Variants in FANCA observed in about 807,000 individuals in gnomAD.
FANCA encodes FA complementation group A.
In FANCA, 236 loss-of-function variants were observed where a neutral mutation model predicts 194.3. The ratio of observed to expected loss-of-function variants is 1.21; its 90% CI spans 1.09 to 1.35. The LOEUF (loss-of-function observed/expected upper bound fraction) is 1.35. Ranked by LOEUF, FANCA falls within the 40% of genes most tolerant of loss-of-function variation. The pLI, the probability that FANCA is intolerant of heterozygous loss-of-function variation, is 0.00. For synonymous variants in FANCA, 1,014 were observed against 715.8 expected (o/e 1.42, Z -6.65); for missense variants, 2,628 against 1,813.9 (o/e 1.45, Z -8.15).
At chr16:89,788,785 C>T (rs2039977067) in intron 14 of FANCA, among the ~76,000 whole-genome samples, 1 of 152,156 alleles carries the variant, frequency 6.6e-6, no homozygotes, top group Non-Finnish European at 1.5e-5. Flanking sequence ...GGGCAACACT[C>T]AGTCTCTTAA....
At chr16:89,743,309 G>A (rs2062178097) in intron 36 of FANCA, among the ~76,000 whole-genome samples, 1 of 152,236 alleles carries the variant, frequency 6.6e-6, no homozygotes, top group Non-Finnish European at 1.5e-5. Flanking sequence ...TCCTACAACA[G>A]AGAACAAAGG....
In FANCA at chr16:89,779,970, C is replaced by A. The variant is rs372205127; in HGVS notation, c.1627-13G>T. The A allele has an allele frequency of 1.9e-6, 3 of 1,612,578 alleles. No homozygotes were observed. In the East Asian group the frequency reaches 6.7e-5, roughly 36 times the overall value. On this transcript the variant is annotated splice_polypyrimidine_tract_variant and intron_variant, in intron 17 of 42. Transcript: ENST00000389301. ...CTTGGCTGTGGGGCTGGTTCCCATACAGGGAGGAAAGGAAAAAGAACAGAG... is the reference window on the plus strand; with the variant it reads ...CTTGGCTGTGGGGCTGGTTCCCATAAAGGGAGGAAAGGAAAAAGAACAGAG...
In FANCA at chr16:89,778,985, G is replaced by A. The variant is rs762647468; in HGVS notation, c.1734C>T (p.Tyr578=). ...VMEASIFRRP[Y]YVSHFLPALL... ...GGGCGGGGAGGAAGTGGGACACGTAGTAAGGCCTCCTGAATATGCTGCAAC... is the reference window on the plus strand; with the variant it reads ...GGGCGGGGAGGAAGTGGGACACGTAATAAGGCCTCCTGAATATGCTGCAAC... The change falls in exon 19 of 43, where the codon TAC becomes TAT. Residue 578 remains tyrosine (Y), a synonymous_variant. Transcript: ENST00000389301. 4.0e-5 allele frequency: 65 copies of A among 1,613,758 alleles called. No individual in the cohort carries two copies. The Middle Eastern group carries it at 1.0e-3, about 26-fold the overall frequency.
rs147037153 is a variant in FANCA, at chr16:89,777,096, G to A, written c.1827-1281C>T. On this transcript the variant is annotated intron_variant, in intron 20 of 42. Transcript: ENST00000389301. ...GTGGTGGAGCGCGCCTCTAGACCCAGCTACTTGGGAGGCAGAGGGGGAAGG... is the reference window on the plus strand; with the variant it reads ...GTGGTGGAGCGCGCCTCTAGACCCAACTACTTGGGAGGCAGAGGGGGAAGG... Among the ~76,000 whole-genome samples the A allele has an allele frequency of 2.7e-3, 416 of 152,196 alleles. 1 individual carries two copies. Among genetic ancestry groups the A allele is most frequent in the African/African-American group, 9.7e-3 (404 of 41,538 alleles).
intron 29 of FANCA, 142 bp downstream of exon 29, chr16:89,761,807 G>A (rs758563339): frequency 3.5e-5 from 25 of 713,024 alleles, no homozygotes; most frequent in Non-Finnish European, 5.8e-5. Context: ...TCTATTTTTT[G>A]TAGAAATGGA....
intron 37 of FANCA, 127 bp downstream of exon 37, chr16:89,742,673 A>AAAAAAAAC: frequency 1.2e-6 from 1 of 861,600 alleles, no homozygotes; most frequent in African/African-American, 1.8e-5. Flanking sequence ...AAAAAAAAAA[A>AAAAAAAAC]AAAGTCTTGC....
At chr16:89,775,682 C>A in intron 21 of FANCA, 60 bp downstream of exon 21, 6 of 1,403,832 alleles carry the variant, frequency 4.3e-6, no homozygotes, top group South Asian at 2.4e-5. Context: ...AACAGACACT[C>A]AAGGTTAGGA....
At chr16:89,764,378 C>T (rs775043319) in intron 28 of FANCA, among the ~76,000 whole-genome samples, 11 of 152,112 alleles carry the variant, frequency 7.2e-5, no homozygotes, top group African/African-American at 1.2e-4. Context: ...GATCTTGGCT[C>T]ACTGCAACCT....
chr16:89,782,176 T>G (rs550562391), intron 17 of FANCA, among the ~76,000 whole-genome samples: 1 of 142,880 alleles, frequency 7.0e-6, no homozygotes, highest in African/African-American at 2.6e-5. Context: ...GAGATCGAGA[T>G]CATCCTGGCT....
intron 22 of FANCA, among the ~76,000 whole-genome samples, chr16:89,772,926 A>T (rs1347011524): frequency 6.6e-6 from 1 of 152,208 alleles, no homozygotes; most frequent in African/African-American, 2.4e-5. Flanking sequence ...CACAGGGCAG[A>T]GACCCTGTGT....
chr16:89,738,148 C>A lies in FANCA; in HGVS notation c.*453G>T. ...CATGGTGCACCCGCTGACACAGACCCAGGACAAGGCCCTGCCCCTGGAGGC... is the reference window on the plus strand; with the variant it reads ...CATGGTGCACCCGCTGACACAGACCAAGGACAAGGCCCTGCCCCTGGAGGC... On this transcript the variant is annotated 3_prime_UTR_variant, in exon 43 of 43. Transcript: ENST00000389301. 1 of 1,613,594 alleles carries A rather than the reference C, an allele frequency of 6.2e-7. No individual in the cohort carries two copies. The highest frequency in any genetic ancestry group is 1.1e-5 in the South Asian group (1 of 91,076).
chr16:89,772,450 G>T (rs1363895692), intron 22 of FANCA, among the ~76,000 whole-genome samples: 2 of 152,212 alleles, frequency 1.3e-5, no homozygotes, highest in Non-Finnish European at 2.9e-5. Context: ...AGCTTGCAGT[G>T]AGCTGAGATC....
chr16:89,809,387 A>T (rs1453429476), intron 5 of FANCA, among the ~76,000 whole-genome samples: 1 of 152,170 alleles, frequency 6.6e-6, no homozygotes, highest in East Asian at 1.9e-4. Flanking sequence ...AATAACTGAA[A>T]AATCTAATGA....
chr16:89,752,097 A>G, intron 31 of FANCA, 41 bp downstream of exon 31: 1 of 1,558,586 alleles, frequency 6.4e-7, no homozygotes, highest in Non-Finnish European at 8.9e-7. Context: ...ACGCGGCTTA[A>G]ATGAAGTGAA....
At chr16:89,752,338 C>G in intron 30 of FANCA, 116 bp from the exon 31 acceptor site, 1 of 855,064 alleles carries the variant, frequency 1.2e-6, no homozygotes, top group Middle Eastern at 2.2e-4. Context: ...CAGTGTGACC[C>G]TCACATTAGT....
intron 15 of FANCA, among the ~76,000 whole-genome samples, chr16:89,783,480 G>T (rs1406648508): frequency 6.6e-6 from 1 of 151,716 alleles, no homozygotes; most frequent in Non-Finnish European, 1.5e-5. Flanking sequence ...GAACCCAGGA[G>T]GCGGACCTTG....
chr16:89,811,096 C>G (rs1324931895), intron 3 of FANCA, 25 bp from the exon 4 acceptor site: 2 of 1,613,718 alleles, frequency 1.2e-6, no homozygotes, highest in Non-Finnish European at 1.7e-6. Flanking sequence ...AAAACCATAG[C>G]TTTCTCTTAA....
At chr16:89,765,759 T>C (rs1319707202) in intron 27 of FANCA, among the ~76,000 whole-genome samples, 8 of 152,240 alleles carry the variant, frequency 5.3e-5, no homozygotes, top group Non-Finnish European at 1.0e-4. Flanking sequence ...CTGCTCAGCA[T>C]GCTGGGTGGG....
chr16:89,738,746 A>G (rs201205004), intron 42 of FANCA, 38 bp from the exon 43 acceptor site: 103 of 1,612,890 alleles, frequency 6.4e-5, no homozygotes, highest in Middle Eastern at 5.0e-4. Context: ...CATGCCGCCC[A>G]CTAGGCCTCA....
Sources: allele counts gnomAD v4.1 joint callset (sites outside exome capture counted in the v4.1 genomes callset), GRCh38; gene constraint gnomAD v4.1.1; transcripts MANE v1.5; gene names NCBI Gene and HGNC (gene_info 2026-07-23, HGNC 2026-07-21).